Variants in EDA observed in about 807,000 individuals in gnomAD.
EDA encodes ectodysplasin-A.
Under a neutral mutation model 23.6 loss-of-function variants are expected in EDA, and 2 were observed. The observed-to-expected ratio is 0.08, with a 90% CI of 0.03 to 0.27. EDA has a LOEUF of 0.27. Ranked by LOEUF, EDA falls within the 10% of genes least tolerant of loss-of-function variation. The pLI, the probability that EDA is intolerant of heterozygous loss-of-function variation, is 1.00. For synonymous variants in EDA, 131 were observed against 132.0 expected (o/e 0.99, Z 0.05); for missense variants, 229 against 324.2 (o/e 0.71, Z 2.26).
At position 69,821,343 on chromosome X, in the gene EDA, C is replaced by T. The variant is rs554124894; in HGVS notation, c.397-135684C>T. On this transcript the variant is annotated intron_variant, in intron 1 of 7. Transcript: ENST00000374552. ...TGATCTGTGCAGCAAACCACCATGG[C>T]ACATGTTTATCTATGTAACAAACCT... 8.2e-5 allele frequency among the ~76,000 whole-genome samples: 9 copies of T among 109,770 alleles called. No individual in the cohort carries two copies. The South Asian group carries it at 3.6e-3, about 44-fold the overall frequency.
At chrX:69,918,102 G>A (rs1252269368) in intron 1 of EDA, among the ~76,000 whole-genome samples, 2 of 108,931 alleles carry the variant, frequency 1.8e-5, no homozygotes, top group Non-Finnish European at 3.8e-5. Context: ...TCCAGAATAG[G>A]CTAATCCATC....
At chrX:69,693,070 G>C (rs1934759165) in intron 1 of EDA, 1 of 111,584 alleles carries the variant, frequency 9.0e-6, no homozygotes, top group Admixed American at 9.5e-5. Context: ...TCTTGGTGTT[G>C]GTTTACTTCA....
chrX:69,863,629 ATGTG>A (rs72197881), intron 1 of EDA, among the ~76,000 whole-genome samples: 1 of 88,872 alleles, frequency 1.1e-5, no homozygotes, highest in East Asian at 3.1e-4. Context: ...GTGTGTATTT[ATGTG>A]TGTGTGTATA....
At position 69,880,684 on chromosome X, in the gene EDA, G is replaced by C. The variant is rs764664669; in HGVS notation, c.397-76343G>C. 8.0e-5 allele frequency among the ~76,000 whole-genome samples: 9 copies of C among 112,127 alleles called. No individual in the cohort carries two copies. In the Admixed American group the frequency reaches 8.5e-4, roughly 11 times the overall value. On this transcript the variant is annotated intron_variant, in intron 1 of 7. Transcript: ENST00000374552. The stretch of plus-strand genomic sequence containing the variant: ...GGTCTCCTGGTATACCTCACATTGG[G>C]CAGAAATAGCTATATTAGCATGGAT...
intron 1 of EDA, among the ~76,000 whole-genome samples, chrX:69,701,975 G>A (rs185068442): frequency 9.9e-5 from 11 of 111,003 alleles, no homozygotes; most frequent in South Asian, 3.9e-4. Flanking sequence ...ATATGGTCCC[G>A]GTCTTCTGGG....
chrX:69,880,203 G>A (rs748153138), intron 1 of EDA, among the ~76,000 whole-genome samples: 16 of 111,349 alleles, frequency 1.4e-4, no homozygotes, highest in African/African-American at 5.2e-4. Context: ...GTCATTTTGA[G>A]TGAACAGTCA....
At position 69,881,802 on chromosome X, in the gene EDA, T is replaced by C. The variant is rs185873356; in HGVS notation, c.397-75225T>C. On this transcript the variant is annotated intron_variant, in intron 1 of 7. Coordinates refer to ENST00000374552, the MANE Select transcript of EDA (RefSeq NM_001399.5). ...CAAGGCCTCAGGAAGCTTTTACTCA[T>C]GGTGGAAGGTGAAGGGAGAGTAGGT... Among the ~76,000 whole-genome samples, 1,098 of 111,864 alleles carry C rather than the reference T, an allele frequency of 9.8e-3. 5 individuals are homozygous for C. Among genetic ancestry groups the C allele is most frequent in the Non-Finnish European group, 0.015 (818 of 53,206 alleles).
At chrX:69,758,761 G>A (rs964414115) in intron 1 of EDA, among the ~76,000 whole-genome samples, 4 of 112,286 alleles carry the variant, frequency 3.6e-5, no homozygotes, top group Non-Finnish European at 7.5e-5. Flanking sequence ...GCTTGAGCCC[G>A]GGAGGTGTAG....
intron 1 of EDA, among the ~76,000 whole-genome samples, chrX:69,790,896 C>T (rs1035989120): frequency 3.6e-5 from 4 of 109,897 alleles, no homozygotes; most frequent in African/African-American, 1.3e-4. Flanking sequence ...AATCTTTTCA[C>T]ACATATACCC....
At chrX:69,767,970 G>A (rs1196991994) in intron 1 of EDA, among the ~76,000 whole-genome samples, 3 of 111,936 alleles carry the variant, frequency 2.7e-5, no homozygotes, top group African/African-American at 9.7e-5. Flanking sequence ...ATCTTTTCAT[G>A]TGCTTATTTG....
intron 1 of EDA, among the ~76,000 whole-genome samples, chrX:69,759,547 G>A (rs1184140996): frequency 2.7e-5 from 3 of 111,878 alleles, no homozygotes; most frequent in Non-Finnish European, 5.6e-5. Context: ...AACCGCATTA[G>A]TGATAGTCTG....
chrX:69,770,643 T>C (rs2147427631), intron 1 of EDA, among the ~76,000 whole-genome samples: 1 of 111,486 alleles, frequency 9.0e-6, no homozygotes, highest in African/African-American at 3.3e-5. Flanking sequence ...TGGATGTGGG[T>C]CTTGCAAGTA....
intron 7 of EDA, 122 bp downstream of exon 7, chrX:70,033,650 G>A (rs910753777): frequency 1.2e-6 from 1 of 857,527 alleles, no homozygotes; most frequent in African/African-American, 2.0e-5. Flanking sequence ...TTTGGGTGAG[G>A]GGGTGGGGGG....
chrX:69,911,041 T>G (rs956627228), intron 1 of EDA, among the ~76,000 whole-genome samples: 4 of 112,180 alleles, frequency 3.6e-5, no homozygotes, highest in Non-Finnish European at 5.6e-5. Flanking sequence ...ATATACTGGG[T>G]ACTATAAAAG....
chrX:69,725,729 G>A (rs749330330), intron 1 of EDA, among the ~76,000 whole-genome samples: 2 of 112,324 alleles, frequency 1.8e-5, no homozygotes, highest in South Asian at 7.4e-4. Context: ...AGAAACCATG[G>A]GTATGGGGAC....
chrX:69,961,023 AAGAAAAAAAAAGAAAG>A (rs1271430863), intron 2 of EDA, among the ~76,000 whole-genome samples: 2 of 87,080 alleles, frequency 2.3e-5, no homozygotes, highest in African/African-American at 8.6e-5. Flanking sequence ...CATCCAAAAA[AAGAAAAAAAAAGAAAG>A]AAAGAAAGAA....
At chrX:69,683,786 A>T (rs1287611951) in intron 1 of EDA, among the ~76,000 whole-genome samples, 1 of 112,110 alleles carries the variant, frequency 8.9e-6, no homozygotes, top group African/African-American at 3.2e-5. Flanking sequence ...AAATTTTCAG[A>T]TTTCTAAGTC....
chrX:69,778,453 C>T (rs770809712), intron 1 of EDA, among the ~76,000 whole-genome samples: 7 of 111,783 alleles, frequency 6.3e-5, no homozygotes, highest in African/African-American at 1.6e-4. Context: ...AATGCCAGAA[C>T]GTACTTGTTA....
At chrX:69,716,230 G>C (rs148571237) in intron 1 of EDA, among the ~76,000 whole-genome samples, 1 of 111,865 alleles carries the variant, frequency 8.9e-6, no homozygotes, top group African/African-American at 3.2e-5. Flanking sequence ...ACTCGTTCTT[G>C]AGTTAACTTT....
Sources: allele counts gnomAD v4.1 joint callset (sites outside exome capture counted in the v4.1 genomes callset), GRCh38; gene constraint gnomAD v4.1.1; transcripts MANE v1.5; gene names NCBI Gene and HGNC (gene_info 2026-07-23, HGNC 2026-07-21).